The following UNC5D variants were observed in gnomAD, a reference collection of about 807,000 sequenced individuals.
UNC5D encodes the protein unc-5 netrin receptor D.
Under a neutral mutation model 105.4 loss-of-function variants are expected in UNC5D, and 39 were observed. The ratio of observed to expected loss-of-function variants is 0.37; its 90% CI spans 0.29 to 0.48. UNC5D has a LOEUF of 0.48. Ranked by LOEUF, UNC5D falls within the 20% of genes least tolerant of loss-of-function variation. The pLI is 0.98. For missense variants in UNC5D, 991 were observed against 1,202.4 expected, an observed-to-expected ratio of 0.82 and a Z score of 2.60; for synonymous variants, 452 against 450.4, an observed-to-expected ratio of 1.00 and a Z score of -0.04.
intron 16 of UNC5D, among the ~76,000 whole-genome samples, chr8:35,789,353 G>A (rs1300041562): frequency 6.6e-6 from 1 of 150,958 alleles, no homozygotes. Flanking sequence ...AGATTTTGCT[G>A]TGATTTAGAC....
At chr8:35,527,488 T>C (rs1356442599) in intron 1 of UNC5D, among the ~76,000 whole-genome samples, 2 of 152,158 alleles carry the variant, frequency 1.3e-5, no homozygotes, top group East Asian at 1.9e-4. Flanking sequence ...TGGCTGTTTC[T>C]TCTTTGTGCT....
chr8:35,710,383 G>T (rs926304816), intron 8 of UNC5D, among the ~76,000 whole-genome samples: 5 of 152,282 alleles, frequency 3.3e-5, no homozygotes, highest in South Asian at 4.1e-4. Context: ...GGCCATTACT[G>T]GTATGGGGAA....
chr8:35,307,853 A>T (rs576366518), intron 1 of UNC5D, among the ~76,000 whole-genome samples: 2 of 152,236 alleles, frequency 1.3e-5, no homozygotes, highest in South Asian at 4.1e-4. Context: ...CACAACATTG[A>T]TTGCAATGGA....
intron 1 of UNC5D, among the ~76,000 whole-genome samples, chr8:35,494,714 T>G (rs1811437415): frequency 6.6e-6 from 1 of 152,208 alleles, no homozygotes; most frequent in Admixed American, 6.5e-5. Flanking sequence ...GACACAATTG[T>G]CCAGAATAAT....
At chr8:35,249,034 A>T (rs371120360) in intron 1 of UNC5D, among the ~76,000 whole-genome samples, 12 of 23,144 alleles carry the variant, frequency 5.2e-4, no homozygotes, top group Middle Eastern at 0.083. Flanking sequence ...TGTTTATATA[A>T]TATATATTAT....
intron 14 of UNC5D, among the ~76,000 whole-genome samples, chr8:35,765,464 C>T (rs1335908354): frequency 6.6e-6 from 1 of 152,092 alleles, no homozygotes; most frequent in Non-Finnish European, 1.5e-5. Context: ...ACAAAACGAC[C>T]CACAGCTTAT....
chr8:35,237,001 AG>A, intron 1 of UNC5D, among the ~76,000 whole-genome samples: 1 of 152,130 alleles, frequency 6.6e-6, no homozygotes, highest in East Asian at 1.9e-4. Context: ...GGAGAGTGAA[AG>A]GGTGGAAAGG....
At chr8:35,716,316 G>A (rs1310301879) in intron 8 of UNC5D, among the ~76,000 whole-genome samples, 1 of 152,204 alleles carries the variant, frequency 6.6e-6, no homozygotes, top group East Asian at 1.9e-4. Flanking sequence ...GATCATCTGT[G>A]TAGTTCTTAG....
At chr8:35,718,978 G>A (rs1006165335) in intron 8 of UNC5D, among the ~76,000 whole-genome samples, 2 of 152,144 alleles carry the variant, frequency 1.3e-5, no homozygotes, top group African/African-American at 4.8e-5. Context: ...CATGGGAAAA[G>A]TTGCCAGTCC....
rs566293407 is a variant in UNC5D, at chr8:35,336,604, A to G, written c.103+100717A>G. 3.2e-4 allele frequency among the ~76,000 whole-genome samples: 49 copies of G among 152,280 alleles called. No homozygotes were observed. The South Asian group carries it at 3.7e-3, about 12-fold the overall frequency. Reference sequence around the variant, plus strand: ...GGAGACACAGCTGAGCTCCCAGGCCATCATGGGTGACAGGGTCAGAGCTGA... The same window carrying G: ...GGAGACACAGCTGAGCTCCCAGGCCGTCATGGGTGACAGGGTCAGAGCTGA... On this transcript the variant is annotated intron_variant, in intron 1 of 16. Coordinates refer to ENST00000404895, the MANE Select transcript of UNC5D (RefSeq NM_080872.4).
chr8:35,525,882 G>T, intron 1 of UNC5D: 4 of 1,048,818 alleles, frequency 3.8e-6, no homozygotes, highest in South Asian at 3.5e-5. Flanking sequence ...TATTAAAAAA[G>T]AAAATTTTCT....
At chr8:35,731,643 T>G (rs1223597616) in intron 11 of UNC5D, among the ~76,000 whole-genome samples, 1 of 152,042 alleles carries the variant, frequency 6.6e-6, no homozygotes, top group African/African-American at 2.4e-5. Flanking sequence ...TGGAAAACAG[T>G]GAATCGTTAG....
At chr8:35,433,736 C>T (rs1412207631) in intron 1 of UNC5D, among the ~76,000 whole-genome samples, 1 of 151,402 alleles carries the variant, frequency 6.6e-6, no homozygotes, top group Non-Finnish European at 1.5e-5. Flanking sequence ...GTAATCCCAG[C>T]TACTTAGGAG....
chr8:35,750,857 GT>G, intron 13 of UNC5D, 48 bp downstream of exon 13: 1 of 1,605,628 alleles, frequency 6.2e-7, no homozygotes, highest in African/African-American at 1.3e-5. Context: ...GAAAGTGTGT[GT>G]TTTCCAAAAG....
At chr8:35,464,555 A>G (rs1448984255) in intron 1 of UNC5D, among the ~76,000 whole-genome samples, 2 of 152,010 alleles carry the variant, frequency 1.3e-5, no homozygotes, top group African/African-American at 4.8e-5. Context: ...TTCATTTTTC[A>G]CTAGTTTTTC....
At chr8:35,345,174 T>C (rs1811719167) in intron 1 of UNC5D, among the ~76,000 whole-genome samples, 2 of 152,090 alleles carry the variant, frequency 1.3e-5, no homozygotes, top group Non-Finnish European at 2.9e-5. Context: ...AGAACGCTTG[T>C]AATCTAATTA....
intron 1 of UNC5D, among the ~76,000 whole-genome samples, chr8:35,386,232 C>T (rs1417358201): frequency 6.6e-6 from 1 of 152,096 alleles, no homozygotes; most frequent in Non-Finnish European, 1.5e-5. Flanking sequence ...TTAAACCAAA[C>T]CCTATCAGAG....
At chr8:35,592,998 A>C in intron 3 of UNC5D, among the ~76,000 whole-genome samples, 1 of 151,404 alleles carries the variant, frequency 6.6e-6, no homozygotes, top group African/African-American at 2.4e-5. Context: ...TGAAGTTTCT[A>C]GTTTATGAGT....
intron 3 of UNC5D, among the ~76,000 whole-genome samples, chr8:35,569,921 C>T (rs1411978381): frequency 2.1e-5 from 3 of 145,810 alleles, no homozygotes; most frequent in African/African-American, 4.9e-5. Context: ...CTCTGAGGCC[C>T]ACATGACCTA....
Sources: allele counts gnomAD v4.1 joint callset (sites outside exome capture counted in the v4.1 genomes callset), GRCh38; gene constraint gnomAD v4.1.1; transcripts MANE v1.5; gene names NCBI Gene and HGNC (gene_info 2026-07-23, HGNC 2026-07-21).